Variants in SHTN1 observed in about 807,000 individuals in gnomAD.
SHTN1 encodes the protein shootin 1.
SHTN1 carries 42 observed loss-of-function variants against 83.1 expected under a neutral mutation model. The ratio of observed to expected loss-of-function variants is 0.51; its 90% CI spans 0.39 to 0.65. The LOEUF is 0.65. Among genes scored for constraint, SHTN1 ranks in the 30% least tolerant of loss-of-function variants. SHTN1 has a pLI of 0.00. For synonymous variants in SHTN1, 224 were observed against 247.7 expected (o/e 0.90, Z 0.90); for missense variants, 622 against 737.8 (o/e 0.84, Z 1.82).
At chr10:116,966,347 T>G (rs1850395552) in intron 3 of SHTN1, among the ~76,000 whole-genome samples, 1 of 151,916 alleles carries the variant, frequency 6.6e-6, no homozygotes, top group Non-Finnish European at 1.5e-5. Context: ...GAGTAAAGAG[T>G]TGGCACTCTG....
chr10:117,107,679 C>T (rs1019548283), intron 1 of SHTN1, among the ~76,000 whole-genome samples: 3 of 152,198 alleles, frequency 2.0e-5, no homozygotes, highest in Non-Finnish European at 4.4e-5. Flanking sequence ...CAAACTCTAA[C>T]TAGCCAAGTC....
intron 3 of SHTN1, among the ~76,000 whole-genome samples, chr10:116,965,427 G>T (rs1850351835): frequency 6.6e-6 from 1 of 152,228 alleles, no homozygotes; most frequent in Non-Finnish European, 1.5e-5. Flanking sequence ...TGAGGCACAA[G>T]AATTGCTTGA....
At chr10:117,121,722 A>T (rs978022712) in intron 1 of SHTN1, among the ~76,000 whole-genome samples, 1 of 151,598 alleles carries the variant, frequency 6.6e-6, no homozygotes, top group Non-Finnish European at 1.5e-5. Context: ...TAGCTTACAC[A>T]CACCCTCCTG....
At chr10:117,078,303 T>G (rs561514066) in intron 1 of SHTN1, among the ~76,000 whole-genome samples, 2 of 152,274 alleles carry the variant, frequency 1.3e-5, no homozygotes, top group African/African-American at 4.8e-5. Context: ...GGATGGTGGC[T>G]CCTGTCAGCA....
intron 1 of SHTN1, among the ~76,000 whole-genome samples, chr10:117,059,209 A>C (rs977929605): frequency 6.6e-6 from 1 of 152,174 alleles, no homozygotes. Context: ...GACAAAACTA[A>C]ATACTGGTGA....
rs1847024772 is a variant in SHTN1 at position 116,881,826 on chromosome 10, A to G, written c.*4518T>C. 3 of 551,982 alleles carry G rather than the reference A, an allele frequency of 5.4e-6. No homozygotes were observed. Among genetic ancestry groups the G allele is most frequent in the African/African-American group, 2.0e-5 (1 of 51,096 alleles). 34.2% of individuals were successfully genotyped at this position (551,982 alleles called of 1,614,324 possible). A position where few individuals can be genotyped will look rare whatever the true frequency, so the allele number is the denominator to read the frequency against. Reference sequence around the variant, plus strand: ...TTCCACTGTTTGGTAAATTACATATATGATGTTTTTGCCTGAAATTCTGTG... The same window carrying G: ...TTCCACTGTTTGGTAAATTACATATGTGATGTTTTTGCCTGAAATTCTGTG... On this transcript the variant is annotated 3_prime_UTR_variant, in exon 17 of 17. Coordinates refer to ENST00000355371, the MANE Select transcript of SHTN1 (RefSeq NM_001127211.3).
chr10:117,108,984 T>A (rs919327612), intron 1 of SHTN1, among the ~76,000 whole-genome samples: 1 of 152,150 alleles, frequency 6.6e-6, no homozygotes, highest in Admixed American at 6.5e-5. Flanking sequence ...AACTCTCAGA[T>A]CCTACTGAAG....
intron 1 of SHTN1, among the ~76,000 whole-genome samples, chr10:117,104,005 C>T (rs1853639284): frequency 1.3e-5 from 2 of 152,030 alleles, no homozygotes; most frequent in Admixed American, 1.3e-4. Context: ...GCCTCATTTC[C>T]TTTTCTCAAC....
intron 7 of SHTN1, among the ~76,000 whole-genome samples, chr10:116,947,255 T>C (rs942693248): frequency 6.6e-6 from 1 of 152,158 alleles, no homozygotes; most frequent in African/African-American, 2.4e-5. Context: ...CCATTAGATA[T>C]TAGGCACAAG....
Position 116,927,819 on chromosome 10 carries a change from A to C in SHTN1, c.1085T>G (p.Leu362Arg), listed in dbSNP as rs1216507734. ...GATAGGATTGGGAGGTGGAGGGGGA[A>C]GTGGTGGTGGAGGAGGAGGTGGTGG... ...VPPPPPPPPPLPPPPPNPIRS... is the reference protein window; with the variant it reads ...VPPPPPPPPPRPPPPPNPIRS... The change falls in exon 11 of 17, where the codon CTT becomes CGT. Residue 362 changes from leucine to arginine, a missense_variant. Leu to Arg is a moderately radical substitution (Grantham distance 102). Transcript: ENST00000355371. 1.3e-6 allele frequency: 2 copies of C among 1,496,054 alleles called. No homozygotes were observed. The highest frequency in any genetic ancestry group is 1.8e-6 in the Non-Finnish European group (2 of 1,095,906). 92.7% of individuals were successfully genotyped at this position (1,496,054 alleles called of 1,614,324 possible). A position where few individuals can be genotyped will look rare whatever the true frequency, so the allele number is the denominator to read the frequency against.
intron 16 of SHTN1, among the ~76,000 whole-genome samples, chr10:116,891,166 T>C (rs1490432473): frequency 6.6e-6 from 1 of 152,264 alleles, no homozygotes; most frequent in Non-Finnish European, 1.5e-5. Flanking sequence ...TGGGACATTT[T>C]GAACATTACA....
At chr10:116,997,675 T>C (rs1851671956) in intron 1 of SHTN1, among the ~76,000 whole-genome samples, 1 of 152,206 alleles carries the variant, frequency 6.6e-6, no homozygotes, top group South Asian at 2.1e-4. Flanking sequence ...ATTGTTGATG[T>C]TGGCCTTGAT....
chr10:116,892,864 A>C (rs1380718457), intron 16 of SHTN1, among the ~76,000 whole-genome samples: 1 of 152,212 alleles, frequency 6.6e-6, no homozygotes, highest in African/African-American at 2.4e-5. Flanking sequence ...AGGAAACATA[A>C]ACACTGTGTA....
chr10:116,994,031 A>C (rs2133520604), intron 1 of SHTN1, among the ~76,000 whole-genome samples: 1 of 152,258 alleles, frequency 6.6e-6, no homozygotes, highest in South Asian at 2.1e-4. Context: ...GATATTATGA[A>C]GTGGTATTAG....
At position 116,881,932 on chromosome 10, in the gene SHTN1, TC is replaced by T. The variant is rs1847028831; in HGVS notation, c.*4411del. The T allele has an allele frequency of 6.2e-6, 2 of 320,794 alleles. No individual in the cohort carries two copies. Among genetic ancestry groups the T allele is most frequent in the East Asian group, 1.0e-4 (2 of 19,878 alleles). 19.9% of individuals were successfully genotyped at this position (320,794 alleles called of 1,614,324 possible). ...TCCTGTCCATTTTTCAGGGACACGC[TC>T]CAGTAAAAGAGGCCAATATTTTTGT... On this transcript the variant is annotated 3_prime_UTR_variant, in exon 17 of 17. Coordinates refer to ENST00000355371, the MANE Select transcript of SHTN1 (RefSeq NM_001127211.3).
intron 1 of SHTN1, among the ~76,000 whole-genome samples, chr10:117,096,386 G>A (rs1237822638): frequency 1.3e-5 from 2 of 152,178 alleles, no homozygotes; most frequent in Non-Finnish European, 2.9e-5. Context: ...ATCCTTTGGA[G>A]CAGCTCCTTT....
chr10:117,094,131 T>G (rs1853473914), intron 1 of SHTN1, among the ~76,000 whole-genome samples: 1 of 152,186 alleles, frequency 6.6e-6, no homozygotes, highest in Non-Finnish European at 1.5e-5. Context: ...TGCCACTATC[T>G]GAGGCACTAC....
chr10:117,010,253 A>G (rs1368010353), upstream of SHTN1, among the ~76,000 whole-genome samples: 2 of 152,076 alleles, frequency 1.3e-5, no homozygotes, highest in Non-Finnish European at 2.9e-5. Flanking sequence ...TGATTCAGAA[A>G]TAAAAAGGAT....
intron 7 of SHTN1, among the ~76,000 whole-genome samples, chr10:116,946,633 A>T (rs984745378): frequency 9.9e-6 from 1 of 100,888 alleles, no homozygotes; most frequent in African/African-American, 4.1e-5. Context: ...AAAATGATTT[A>T]TATATAAATA....
Sources: allele counts gnomAD v4.1 joint callset (sites outside exome capture counted in the v4.1 genomes callset), GRCh38; gene constraint gnomAD v4.1.1; transcripts MANE v1.5; gene names NCBI Gene and HGNC (gene_info 2026-07-23, HGNC 2026-07-21).